Variants in DOCK7 observed in about 807,000 individuals in gnomAD.
The protein encoded by DOCK7 is dedicator of cytokinesis protein 7.
DOCK7 carries 138 observed loss-of-function variants against 271.0 expected under a neutral mutation model. That is an observed-to-expected ratio of 0.51 (90% CI 0.44 to 0.59). The LOEUF (loss-of-function observed/expected upper bound fraction) is 0.59. Ranked by LOEUF, DOCK7 falls within the 20% of genes least tolerant of loss-of-function variation. The pLI is 0.00. For missense variants in DOCK7, 2,066 were observed against 2,592.4 expected, an observed-to-expected ratio of 0.80 and a Z score of 4.41; for synonymous variants, 823 against 876.1, an observed-to-expected ratio of 0.94 and a Z score of 1.07.
chr1:62,485,400 A>C, intron 43 of DOCK7: 1 of 985,350 alleles, frequency 1.0e-6, no homozygotes, highest in Non-Finnish European at 1.2e-6. Flanking sequence ...AATTTGCACT[A>C]AATCAAGGAG....
intron 12 of DOCK7, among the ~76,000 whole-genome samples, chr1:62,622,321 T>C (rs923284021): frequency 6.6e-5 from 10 of 152,198 alleles, no homozygotes; most frequent in Admixed American, 6.5e-4. Flanking sequence ...TTGTTTACTG[T>C]CCTGTACCAC....
intron 14 of DOCK7, among the ~76,000 whole-genome samples, chr1:62,594,790 C>G (rs1316080399): frequency 6.6e-6 from 1 of 152,080 alleles, no homozygotes; most frequent in African/African-American, 2.4e-5. Flanking sequence ...ACAAATCTTG[C>G]CAATCAACAG....
intron 2 of DOCK7, among the ~76,000 whole-genome samples, chr1:62,659,790 G>A (rs1160220111): frequency 1.3e-5 from 2 of 152,054 alleles, no homozygotes; most frequent in African/African-American, 4.8e-5. Flanking sequence ...TCAGAGCAAA[G>A]AACCGTATCA....
chr1:62,516,286 T>C (rs889848224), intron 31 of DOCK7, among the ~76,000 whole-genome samples: 1 of 152,116 alleles, frequency 6.6e-6, no homozygotes, highest in Non-Finnish European at 1.5e-5. Flanking sequence ...CATCATAAAT[T>C]AGTAGAAATG....
At chr1:62,661,284 G>A (rs1383821960) in intron 2 of DOCK7, among the ~76,000 whole-genome samples, 1 of 152,018 alleles carries the variant, frequency 6.6e-6, no homozygotes, top group Admixed American at 6.6e-5. Flanking sequence ...GGGGAAAATG[G>A]GAAGTTATTG....
chr1:62,578,401 G>A (rs1054010244), intron 17 of DOCK7, among the ~76,000 whole-genome samples: 3 of 151,954 alleles, frequency 2.0e-5, no homozygotes, highest in African/African-American at 7.3e-5. Flanking sequence ...CATAACTGTG[G>A]GGAATCAGAC....
At chr1:62,624,985 A>C in intron 12 of DOCK7, 1 of 230,980 alleles carries the variant, frequency 4.3e-6, no homozygotes, top group Non-Finnish European at 8.3e-6. Flanking sequence ...AAAAAAAACA[A>C]AAAAAAACAG....
At position 62,613,863 on chromosome 1, in the gene DOCK7, A is replaced by AT. The variant is rs565132115; in HGVS notation, c.1682+4842dup. On this transcript the variant is annotated intron_variant, in intron 14 of 49. Transcript: ENST00000635253. The stretch of plus-strand genomic sequence containing the variant: ...ACACATGAACAATGCTTAAATTCCT[A>AT]TTTTTTTCAGATATAAATTTGAACC... Among the ~76,000 whole-genome samples the AT allele has an allele frequency of 5.7e-3, 860 of 152,054 alleles. 9 individuals are homozygous for AT. The highest frequency in any genetic ancestry group is 0.02 in the African/African-American group (820 of 41,488).
chr1:62,668,011 C>T (rs1269321201), intron 1 of DOCK7, among the ~76,000 whole-genome samples: 3 of 152,008 alleles, frequency 2.0e-5, no homozygotes, highest in Non-Finnish European at 2.9e-5. Flanking sequence ...CAGAGCAAGA[C>T]TCCGTCTCAA....
intron 14 of DOCK7, among the ~76,000 whole-genome samples, chr1:62,588,571 T>C (rs969912950): frequency 6.6e-6 from 1 of 152,174 alleles, no homozygotes; most frequent in African/African-American, 2.4e-5. Flanking sequence ...TTTTTGTAAA[T>C]TGAGAATTGA....
chr1:62,461,931 C>G (rs1215810566), intron 48 of DOCK7, among the ~76,000 whole-genome samples: 1 of 150,712 alleles, frequency 6.6e-6, no homozygotes, highest in African/African-American at 2.4e-5. Context: ...ATTTGCCAGG[C>G]GTGGTGGCAC....
At chr1:62,659,294 T>C (rs1304066883) in intron 2 of DOCK7, among the ~76,000 whole-genome samples, 1 of 152,078 alleles carries the variant, frequency 6.6e-6, no homozygotes, top group East Asian at 1.9e-4. Context: ...TAAAAATAGG[T>C]AAGGTTTCTA....
At chr1:62,684,731 A>G (rs551436360) in intron 1 of DOCK7, among the ~76,000 whole-genome samples, 1 of 152,332 alleles carries the variant, frequency 6.6e-6, no homozygotes, top group East Asian at 1.9e-4. Flanking sequence ...TCAAAAAGCA[A>G]AGGGGACACA....
rs11207971 is a variant in DOCK7 at position 62,455,093 on chromosome 1, A to G, written c.*321T>C. The G allele has an allele frequency of 3.2e-3, 1,595 of 505,432 alleles. 24 individuals are homozygous for G. The highest frequency in any genetic ancestry group is 0.029 in the African/African-American group (1,467 of 50,722). The allele number at this position is 505,432 out of a possible 1,614,324, so 31.3% of individuals were successfully genotyped here. On this transcript the variant is annotated 3_prime_UTR_variant, in exon 50 of 50. Coordinates refer to ENST00000635253, the MANE Select transcript of DOCK7 (RefSeq NM_001367561.1). ...AAATGGTTCCAAAATGAATCTATAAATGGTAATATAAATTAAAAAATACGA... is the reference window on the plus strand; with the variant it reads ...AAATGGTTCCAAAATGAATCTATAAGTGGTAATATAAATTAAAAAATACGA...
chr1:62,509,598 A>C (rs1327897651), intron 34 of DOCK7, among the ~76,000 whole-genome samples: 2 of 152,104 alleles, frequency 1.3e-5, no homozygotes, highest in African/African-American at 4.8e-5. Context: ...CATCAGAGAA[A>C]TAGATTTGGA....
At chr1:62,681,515 C>T (rs1007135445) in intron 1 of DOCK7, among the ~76,000 whole-genome samples, 1 of 145,352 alleles carries the variant, frequency 6.9e-6, no homozygotes, top group Non-Finnish European at 1.5e-5. Context: ...GCACATGTAC[C>T]GTAGAACTTA....
chr1:62,504,046 C>CA (rs11297853), intron 37 of DOCK7, among the ~76,000 whole-genome samples: 181 of 120,498 alleles, frequency 1.5e-3, no homozygotes, highest in African/African-American at 4.2e-3. Flanking sequence ...GACTCCGTCT[C>CA]AAAAAAAAAA....
In DOCK7 at chr1:62,631,281, C is replaced by T; in HGVS notation, c.1241G>A (p.Ser414Asn). 1.2e-6 allele frequency: 2 copies of T among 1,611,934 alleles called. No homozygotes were observed. The highest frequency in any genetic ancestry group is 1.1e-5 in the South Asian group (1 of 90,408). ...HLMNIVSSAGSLERDSTEVEI... is the reference protein window; with the variant it reads ...HLMNIVSSAGNLERDSTEVEI... Reference sequence around the variant, plus strand: ...TACTTCTGTAGAATCTCTTTCCAAACTCCCAGCACTGCTAACAATATTCAT... The same window carrying T: ...TACTTCTGTAGAATCTCTTTCCAAATTCCCAGCACTGCTAACAATATTCAT... Residue 414 changes from serine (S) to asparagine (N), a missense_variant, in exon 11 of 50, where the codon AGT (serine) becomes AAT (asparagine). Transcript: ENST00000635253.
intron 14 of DOCK7, chr1:62,597,394 A>G (rs1649413429): frequency 3.2e-6 from 2 of 626,314 alleles, no homozygotes; most frequent in Admixed American, 6.2e-5. Flanking sequence ...ATCTAACTCA[A>G]TGTGGAAGAA....
Sources: allele counts gnomAD v4.1 joint callset (sites outside exome capture counted in the v4.1 genomes callset), GRCh38; gene constraint gnomAD v4.1.1; transcripts MANE v1.5; gene names NCBI Gene and HGNC (gene_info 2026-07-23, HGNC 2026-07-21).